CCDC92: variants seen among roughly 807,000 people sequenced by gnomAD.
CCDC92 encodes coiled-coil domain containing 92.
A neutral mutation model predicts 24.9 loss-of-function variants in CCDC92; 12 were observed. That is an observed-to-expected ratio of 0.48 (90% CI 0.31 to 0.78). CCDC92 has a LOEUF of 0.78. Ranked by LOEUF, CCDC92 falls within the 30% of genes least tolerant of loss-of-function variation. The pLI, the probability that CCDC92 is intolerant of heterozygous loss-of-function variation, is 0.05. For missense variants in CCDC92, 399 were observed against 439.4 expected, an observed-to-expected ratio of 0.91 and a Z score of 0.82; for synonymous variants, 193 against 196.3, an observed-to-expected ratio of 0.98 and a Z score of 0.14.
intron 1 of CCDC92, chr12:123,960,837 C>G (rs1014567409): frequency 2.0e-5 from 3 of 152,218 alleles, no homozygotes; most frequent in Non-Finnish European, 4.4e-5. Context: ...CCTAGCCACT[C>G]TAATCACCAG....
intron 1 of CCDC92, among the ~76,000 whole-genome samples, chr12:123,959,020 G>A (rs1169906684): frequency 3.3e-5 from 5 of 152,190 alleles, no homozygotes; most frequent in Admixed American, 6.5e-5. Flanking sequence ...CTGGATCCGC[G>A]AGCTATAGCG....
chr12:123,943,715 G>T (rs1955762138), intron 2 of CCDC92: 4 of 597,644 alleles, frequency 6.7e-6, no homozygotes, highest in Non-Finnish European at 1.2e-5. Context: ...ACGCCTTGGG[G>T]TGTGCCCTAG....
chr12:123,970,179 C>G (rs1956493576), intron 1 of CCDC92: 1 of 152,214 alleles, frequency 6.6e-6, no homozygotes, highest in East Asian at 1.9e-4. Context: ...ACAAAAGCCA[C>G]AGTGCTAAAA....
intron 1 of CCDC92, among the ~76,000 whole-genome samples, chr12:123,968,832 G>A (rs1204016341): frequency 1.3e-5 from 2 of 152,242 alleles, no homozygotes; most frequent in Non-Finnish European, 2.9e-5. Flanking sequence ...AAACTCATCT[G>A]CTAGAGAACG....
At position 123,972,761 on chromosome 12, in the gene CCDC92, G is replaced by T. The variant is rs1956592942; in HGVS notation, c.-292C>A. ...GCTAGCCGCGGTGCACCCTGGGAGC[G>T]GGGCCGGCGGCGAGGCCTGGCCGCG... On this transcript the variant is annotated 5_prime_UTR_variant, in exon 1 of 5. Coordinates refer to ENST00000238156, the MANE Select transcript of CCDC92 (RefSeq NM_025140.3). 1 of 147,230 alleles carries T rather than the reference G, an allele frequency of 6.8e-6. No homozygotes were observed. The highest frequency in any genetic ancestry group is 2.4e-5 in the African/African-American group (1 of 40,876). 9.1% of individuals were successfully genotyped at this position (147,230 alleles called of 1,614,324 possible). A position where few individuals can be genotyped will look rare whatever the true frequency, so the allele number is the denominator to read the frequency against.
At position 123,972,598 on chromosome 12, in the gene CCDC92, G is replaced by GTGGGGGCCCGTGGCCCA. The variant is rs1956587020; in HGVS notation, c.-146_-130dup. The GTGGGGGCCCGTGGCCCA allele has an allele frequency of 6.7e-6, 1 of 150,248 alleles. No individual in the cohort carries two copies. The highest frequency in any genetic ancestry group is 2.0e-4 in the South Asian group (1 of 5,086). 9.3% of individuals were successfully genotyped at this position (150,248 alleles called of 1,614,324 possible). A position where few individuals can be genotyped will look rare whatever the true frequency, so the allele number is the denominator to read the frequency against. ...GGCTCGGTCCTCCCGGCGGGCGGCG[G>GTGGGGGCCCGTGGCCCA]TGGGGGCCCGTGGCCCATGGGCTGG... is the stretch of plus-strand genomic sequence containing the variant. On this transcript the variant is annotated 5_prime_UTR_variant, in exon 1 of 5. In the 5' UTR this introduces an upstream ATG that the reference lacks. Coordinates refer to ENST00000238156, the MANE Select transcript of CCDC92 (RefSeq NM_025140.3).
intron 1 of CCDC92, among the ~76,000 whole-genome samples, chr12:123,957,704 T>C (rs1956181434): frequency 1.6e-5 from 2 of 126,596 alleles, no homozygotes; most frequent in African/African-American, 6.7e-5. Flanking sequence ...TCCTTCTTTT[T>C]TTTTTTTTTT....
chr12:123,959,608 G>C (rs138393646), intron 1 of CCDC92, among the ~76,000 whole-genome samples: 43 of 152,230 alleles, frequency 2.8e-4, no homozygotes, highest in East Asian at 1.4e-3. Flanking sequence ...TGCGGCCTTA[G>C]GTGCCAGGCT....
At chr12:123,952,875 T>C (rs1310337496) in intron 1 of CCDC92, among the ~76,000 whole-genome samples, 2 of 152,176 alleles carry the variant, frequency 1.3e-5, no homozygotes, top group Non-Finnish European at 2.9e-5. Context: ...GCTTTTTTAA[T>C]CTAGCAAAAA....
Position 123,936,905 on chromosome 12 carries a change from G to C in CCDC92, c.*153C>G, listed in dbSNP as rs1955513809. The C allele has an allele frequency of 1.3e-6, 1 of 768,938 alleles. No homozygotes were observed. Among genetic ancestry groups the C allele is most frequent in the South Asian group, 1.8e-5 (1 of 56,078 alleles). The allele number at this position is 768,938 out of a possible 1,614,324, so 47.6% of individuals were successfully genotyped here. ...GCGGCAGGGACACGATCATATTTTGGTGTGAAGAAGAGGGCAAGAGAAGCA... is the reference window on the plus strand; with the variant it reads ...GCGGCAGGGACACGATCATATTTTGCTGTGAAGAAGAGGGCAAGAGAAGCA... On this transcript the variant is annotated 3_prime_UTR_variant, in exon 5 of 5. Transcript: ENST00000238156.
At chr12:123,947,469 T>C (rs570205513) in intron 1 of CCDC92, among the ~76,000 whole-genome samples, 2 of 152,316 alleles carry the variant, frequency 1.3e-5, no homozygotes, top group East Asian at 3.9e-4. Flanking sequence ...AGCTCAGGGA[T>C]TGTAAATACA....
intron 1 of CCDC92, among the ~76,000 whole-genome samples, chr12:123,962,059 T>C (rs953530303): frequency 1.3e-5 from 2 of 152,248 alleles, no homozygotes; most frequent in African/African-American, 4.8e-5. Context: ...TTTTGCCCTT[T>C]TCTTTCCCCG....
chr12:123,937,937 G>A lies in CCDC92; in HGVS notation c.224-107C>T. Reference sequence around the variant, plus strand: ...GTCTGGTGGGGGCCCTGTCTAGGCTGTGGGGGCCATGCAGAAGGCAGGGCT... The same window carrying A: ...GTCTGGTGGGGGCCCTGTCTAGGCTATGGGGGCCATGCAGAAGGCAGGGCT... On this transcript the variant is annotated intron_variant, in intron 4 of 4. Transcript: ENST00000238156. The surrounding 1 kb of genome is among the most constrained non-coding windows in gnomAD (Gnocchi z 8.4). 8.6e-7 allele frequency: 1 copy of A among 1,160,090 alleles called. No individual in the cohort carries two copies. Among genetic ancestry groups the A allele is most frequent in the South Asian group, 1.5e-5 (1 of 66,172 alleles). The allele number at this position is 1,160,090 out of a possible 1,614,324, so 71.9% of individuals were successfully genotyped here. A position where few individuals can be genotyped will look rare whatever the true frequency, so the allele number is the denominator to read the frequency against.
chr12:123,942,403 T>C (rs1955711351), intron 4 of CCDC92, among the ~76,000 whole-genome samples: 1 of 152,244 alleles, frequency 6.6e-6, no homozygotes, highest in Non-Finnish European at 1.5e-5. Context: ...CTGCTGCTGT[T>C]ACTCCTCCTT....
chr12:123,944,026 A>G, intron 2 of CCDC92: 2 of 525,100 alleles, frequency 3.8e-6, no homozygotes, highest in Non-Finnish European at 6.6e-6. Context: ...GAAATGGGCC[A>G]AACATTTCCT....
chr12:123,952,190 T>C (rs1956043109), intron 1 of CCDC92, among the ~76,000 whole-genome samples: 1 of 152,242 alleles, frequency 6.6e-6, no homozygotes, highest in African/African-American at 2.4e-5. Context: ...TGGTCAATAC[T>C]TCTATAAATA....
chr12:123,946,048 TC>T (rs532955817), intron 1 of CCDC92: 3 of 155,482 alleles, frequency 1.9e-5, no homozygotes, highest in Non-Finnish European at 4.3e-5. Flanking sequence ...AGCTCTCAGA[TC>T]CGTTCAACTC....
Position 123,937,130 on chromosome 12 carries a change from C to A in CCDC92, c.924G>T (p.Lys308Asn), listed in dbSNP as rs199932702. 2 of 1,613,474 alleles carry A rather than the reference C, an allele frequency of 1.2e-6. No homozygotes were observed. Among genetic ancestry groups the A allele is most frequent in the Admixed American group, 3.3e-5 (2 of 60,024 alleles). ...ATPPQAQPEVKTLAVDQVNGG... is the reference protein window; with the variant it reads ...ATPPQAQPEVNTLAVDQVNGG... Reference sequence around the variant, plus strand: ...CGTTCACCTGGTCGACCGCCAGGGTCTTCACCTCGGGCTGGGCCTGCGGCG... The same window carrying A: ...CGTTCACCTGGTCGACCGCCAGGGTATTCACCTCGGGCTGGGCCTGCGGCG... Residue 308 changes from lysine to asparagine, a missense_variant, in exon 5 of 5, where the codon AAG becomes AAT. Transcript: ENST00000238156. The surrounding 1 kb of genome is among the most constrained non-coding windows in gnomAD (Gnocchi z 8.4).
chr12:123,969,776 C>A (rs1344828151), intron 1 of CCDC92, among the ~76,000 whole-genome samples: 1 of 152,012 alleles, frequency 6.6e-6, no homozygotes, highest in Non-Finnish European at 1.5e-5. Context: ...TGTTTTCAGC[C>A]AAGTAAAAGA....
Sources: gnomAD v4.1 joint callset for allele counts (sites outside exome capture counted in the v4.1 genomes callset) on GRCh38, gnomAD v4.1.1 for gene constraint, Gnocchi (gnomAD v3.1) non-coding constraint, MANE v1.5 for transcripts, NCBI Gene and HGNC (gene_info 2026-07-23, HGNC 2026-07-21) for gene names.